DGKH: variants seen among roughly 807,000 people sequenced by gnomAD.
The protein encoded by DGKH is diacylglycerol kinase eta.
A neutral mutation model predicts 159.3 loss-of-function variants in DGKH; 90 were observed. The ratio of observed to expected loss-of-function variants is 0.57; its 90% confidence interval spans 0.48 to 0.67. The LOEUF is 0.67. Among genes scored for constraint, DGKH ranks in the 30% least tolerant of loss-of-function variants. The pLI is 0.00. For missense variants in DGKH, 1,181 were observed against 1,506.1 expected, an observed-to-expected ratio of 0.78 and a Z score of 3.57; for synonymous variants, 536 against 553.8, an observed-to-expected ratio of 0.97 and a Z score of 0.45.
intron 20 of DGKH, among the ~76,000 whole-genome samples, chr13:42,200,577 T>C (rs1957324752): frequency 6.6e-6 from 1 of 152,216 alleles, no homozygotes; most frequent in Non-Finnish European, 1.5e-5. Context: ...TGTATCTTTT[T>C]GTAACTATAT....
downstream of DGKH, among the ~76,000 whole-genome samples, chr13:42,246,424 T>TA (rs902478225): frequency 1.3e-5 from 2 of 151,734 alleles, no homozygotes; most frequent in South Asian, 2.1e-4. Flanking sequence ...TCATCTCTAT[T>TA]AAAAAAAAGA....
intron 21 of DGKH, 71 bp from the exon 22 acceptor site, chr13:42,208,888 T>G: frequency 1.7e-6 from 1 of 590,438 alleles, no homozygotes; most frequent in Non-Finnish European, 2.7e-6. Flanking sequence ...AGATATATAT[T>G]GCAGTTTACA....
At chr13:42,101,109 C>T (rs1200528622) in intron 1 of DGKH, among the ~76,000 whole-genome samples, 1 of 152,238 alleles carries the variant, frequency 6.6e-6, no homozygotes, top group African/African-American at 2.4e-5. Context: ...TCTGCTCTAG[C>T]ATGGCCATTC....
chr13:42,201,439 G>T (rs941648112), intron 20 of DGKH, among the ~76,000 whole-genome samples: 1 of 152,198 alleles, frequency 6.6e-6, no homozygotes, highest in African/African-American at 2.4e-5. Context: ...AGCATAGCCA[G>T]CTATCTTTAA....
chr13:42,196,718 C>T (rs1056382062), intron 17 of DGKH, among the ~76,000 whole-genome samples: 1 of 152,048 alleles, frequency 6.6e-6, no homozygotes, highest in African/African-American at 2.4e-5. Context: ...GGTTGCACAA[C>T]TTTGTGTATA....
intron 1 of DGKH, among the ~76,000 whole-genome samples, chr13:42,065,867 G>C (rs965206114): frequency 1.3e-5 from 2 of 152,150 alleles, no homozygotes; most frequent in African/African-American, 4.8e-5. Context: ...TTAGCCACAA[G>C]CAATGTGATC....
At chr13:42,144,868 C>T (rs1955680802) in intron 3 of DGKH, among the ~76,000 whole-genome samples, 1 of 152,158 alleles carries the variant, frequency 6.6e-6, no homozygotes, top group African/African-American at 2.4e-5. Context: ...TAAAAGCCCA[C>T]CCTTTTAAAT....
rs1425751267 is a variant in DGKH at position 42,085,477 on chromosome 13, G to T, written c.192+36512G>T. ...AGTTTGTGGCAATAGGTAATTTGAAGGTTCTGACCATTCTCAAAATATGAG... is the reference window on the plus strand; with the variant it reads ...AGTTTGTGGCAATAGGTAATTTGAATGTTCTGACCATTCTCAAAATATGAG... On this transcript the variant is annotated intron_variant, in intron 1 of 29. Transcript: ENST00000337343. Among the ~76,000 whole-genome samples the T allele has an allele frequency of 3.9e-5, 6 of 152,236 alleles. No individual in the cohort carries two copies. In the East Asian group the frequency reaches 7.7e-4, roughly 20 times the overall value.
At chr13:42,187,939 A>G (rs1471400113) in intron 14 of DGKH, among the ~76,000 whole-genome samples, 1 of 152,180 alleles carries the variant, frequency 6.6e-6, no homozygotes, top group Non-Finnish European at 1.5e-5. Context: ...CTTAAAAACT[A>G]CCATCTTTGC....
At chr13:42,153,792 G>T (rs1286878643) in intron 3 of DGKH, 1 of 152,226 alleles carries the variant, frequency 6.6e-6, no homozygotes, top group Non-Finnish European at 1.5e-5. Context: ...TCCAAAGAGG[G>T]TCGTGGAAAA....
intron 13 of DGKH, among the ~76,000 whole-genome samples, chr13:42,178,566 A>G (rs542446212): frequency 3.9e-5 from 6 of 152,254 alleles, no homozygotes; most frequent in Non-Finnish European, 5.9e-5. Flanking sequence ...TTATTTCCAT[A>G]AACACTACTA....
intron 21 of DGKH, among the ~76,000 whole-genome samples, chr13:42,206,982 T>TTTCTTTCTTTCTTTCTTC (rs1957493494): frequency 1.3e-5 from 1 of 77,882 alleles, no homozygotes; most frequent in Admixed American, 1.5e-4. Flanking sequence ...ACTTTTTCTT[T>TTTCTTTCTTTCTTTCTTC]CTTTCTTTCT....
At chr13:42,078,685 T>TA (rs973931766) in intron 1 of DGKH, among the ~76,000 whole-genome samples, 2 of 152,022 alleles carry the variant, frequency 1.3e-5, no homozygotes, top group East Asian at 1.9e-4. Flanking sequence ...CTGAAAACTC[T>TA]AAAAAAACCT....
intron 1 of DGKH, among the ~76,000 whole-genome samples, chr13:42,121,806 C>A (rs924109019): frequency 1.3e-5 from 2 of 152,214 alleles, no homozygotes; most frequent in Admixed American, 6.5e-5. Context: ...CTAGTTCTAA[C>A]TTGGAACCCA....
intron 1 of DGKH, among the ~76,000 whole-genome samples, chr13:42,064,129 T>G (rs573186049): frequency 6.6e-6 from 1 of 152,248 alleles, no homozygotes; most frequent in African/African-American, 2.4e-5. Context: ...ACAAGCCACT[T>G]TATCCATAAA....
chr13:42,144,494 C>A (rs1482975142), intron 3 of DGKH, among the ~76,000 whole-genome samples: 1 of 152,122 alleles, frequency 6.6e-6, no homozygotes, highest in Non-Finnish European at 1.5e-5. Flanking sequence ...AGAGACCAGC[C>A]TGGCCAACAT....
chr13:42,202,659 C>T (rs533260235), intron 20 of DGKH, among the ~76,000 whole-genome samples: 2 of 152,288 alleles, frequency 1.3e-5, no homozygotes, highest in African/African-American at 4.8e-5. Flanking sequence ...GCCACATTAT[C>T]AGTGATTCTG....
chr13:42,214,736 A>C (rs894894791), intron 25 of DGKH, 124 bp downstream of exon 25: 1 of 695,784 alleles, frequency 1.4e-6, no homozygotes, highest in Non-Finnish European at 2.1e-6. Context: ...AGTCTCTACA[A>C]ACCTGCAGTA....
intron 1 of DGKH, among the ~76,000 whole-genome samples, chr13:42,072,082 G>C (rs1436166348): frequency 6.6e-6 from 1 of 152,068 alleles, no homozygotes; most frequent in Non-Finnish European, 1.5e-5. Context: ...AGTTCATATT[G>C]CTTAATGTTT....
Sources: allele counts gnomAD v4.1 joint callset (sites outside exome capture counted in the v4.1 genomes callset), GRCh38; gene constraint gnomAD v4.1.1; transcripts MANE v1.5; gene names NCBI Gene and HGNC (gene_info 2026-07-23, HGNC 2026-07-21).